Variants in PPM1D observed in about 807,000 individuals in gnomAD.
PPM1D encodes the protein protein phosphatase 1D.
A neutral mutation model predicts 58.3 loss-of-function variants in PPM1D; 52 were observed. That is an observed-to-expected ratio of 0.89 (90% CI 0.71 to 1.12). PPM1D has a LOEUF of 1.12. PPM1D is among the 50% of genes most tolerant of loss of function. The pLI is 0.00. For missense variants in PPM1D, 564 were observed against 777.2 expected (o/e 0.73, Z 3.26); for synonymous variants, 278 against 285.1 (o/e 0.98, Z 0.25).
At chr17:60,660,106 C>A (rs1411433166) in intron 5 of PPM1D, among the ~76,000 whole-genome samples, 1 of 152,176 alleles carries the variant, frequency 6.6e-6, no homozygotes, top group African/African-American at 2.4e-5. Flanking sequence ...GAGGCCGAGG[C>A]AGGCTGATCA....
chr17:60,646,686 TTG>T (rs2031256151), intron 3 of PPM1D, among the ~76,000 whole-genome samples: 1 of 152,232 alleles, frequency 6.6e-6, no homozygotes, highest in South Asian at 2.1e-4. Context: ...TTTAGTTTTA[TTG>T]ATCTTTTTTA....
At chr17:60,618,768 A>AT (rs1400865296) in intron 1 of PPM1D, among the ~76,000 whole-genome samples, 6 of 152,144 alleles carry the variant, frequency 3.9e-5, no homozygotes, top group Non-Finnish European at 8.8e-5. Flanking sequence ...TGAAGAATAG[A>AT]TTTTTTTAGT....
chr17:60,602,706 G>C (rs1462854760), intron 1 of PPM1D, among the ~76,000 whole-genome samples: 2 of 147,000 alleles, frequency 1.4e-5, no homozygotes, highest in Admixed American at 6.9e-5. Context: ...AAAGTTTAGA[G>C]CCTTATACTC....
chr17:60,649,376 G>A (rs1314479420), intron 4 of PPM1D, among the ~76,000 whole-genome samples: 2 of 152,194 alleles, frequency 1.3e-5, no homozygotes, highest in Non-Finnish European at 2.9e-5. Context: ...GGGGCAAATT[G>A]ATTGAATTTT....
chr17:60,638,614 C>T (rs951665793), intron 3 of PPM1D, among the ~76,000 whole-genome samples: 3 of 152,082 alleles, frequency 2.0e-5, no homozygotes, highest in Non-Finnish European at 2.9e-5. Context: ...GTTGATCCGC[C>T]CACCTCTGCT....
chr17:60,632,667 C>T (rs1051161716), intron 2 of PPM1D, among the ~76,000 whole-genome samples: 7 of 152,172 alleles, frequency 4.6e-5, no homozygotes, highest in African/African-American at 1.7e-4. Flanking sequence ...GCCCAGGCAA[C>T]ATAGTGAGAC....
At chr17:60,644,142 G>A (rs987259513) in intron 3 of PPM1D, among the ~76,000 whole-genome samples, 2 of 151,896 alleles carry the variant, frequency 1.3e-5, no homozygotes, top group Non-Finnish European at 2.9e-5. Flanking sequence ...GCCTCCCAAA[G>A]TGCTGGGATT....
intron 3 of PPM1D, among the ~76,000 whole-genome samples, chr17:60,645,750 A>G (rs1261991019): frequency 1.3e-5 from 2 of 150,402 alleles, no homozygotes; most frequent in African/African-American, 2.4e-5. Flanking sequence ...CCTTACAGGG[A>G]AAACTGGAAG....
intron 1 of PPM1D, among the ~76,000 whole-genome samples, chr17:60,602,425 A>AT (rs34669060): frequency 0.019 from 2,847 of 146,386 alleles, 59 homozygotes; most frequent in African/African-American, 0.052. Flanking sequence ...TTAGTATTAA[A>AT]TTTTTTTTTT....
chr17:60,627,411 A>G (rs2030831510), intron 2 of PPM1D, among the ~76,000 whole-genome samples: 1 of 150,790 alleles, frequency 6.6e-6, no homozygotes, highest in Admixed American at 6.6e-5. Flanking sequence ...CATGCCAGCT[A>G]ATTTTCTTTT....
intron 1 of PPM1D, among the ~76,000 whole-genome samples, chr17:60,617,128 ATTTTTTTTTTTTTTTTGTAGAGAC>A (rs2030600596): frequency 7.1e-6 from 1 of 140,196 alleles, no homozygotes; most frequent in Non-Finnish European, 1.6e-5. Context: ...AAAAAAAAAA[ATTTTTTTTTTTTTTTTGTAGAGAC>A]AGAATGTGGC....
intron 3 of PPM1D, among the ~76,000 whole-genome samples, chr17:60,640,435 AC>A (rs1437847654): frequency 1.3e-5 from 2 of 152,206 alleles, no homozygotes; most frequent in Non-Finnish European, 2.9e-5. Context: ...CACGTAACTT[AC>A]CGTTGTAAAG....
At chr17:60,655,640 C>A (rs748489657) in intron 4 of PPM1D, among the ~76,000 whole-genome samples, 1 of 151,840 alleles carries the variant, frequency 6.6e-6, no homozygotes, top group Non-Finnish European at 1.5e-5. Context: ...AGCCACCACA[C>A]CTGGCTACTT....
chr17:60,619,967 GT>G (rs370863167), intron 1 of PPM1D, among the ~76,000 whole-genome samples: 1 of 148,886 alleles, frequency 6.7e-6, no homozygotes, highest in Admixed American at 6.6e-5. Context: ...CATTTGCCCA[GT>G]TTTTTTTTGT....
chr17:60,663,119 A>G lies in PPM1D; in HGVS notation c.1385A>G (p.Gln462Arg), dbSNP rs1409622824. The change falls in exon 6 of 6, where the codon CAA (glutamine) becomes CGA (arginine). Residue 462 changes from glutamine (Q) to arginine (R), a missense_variant. Coordinates refer to ENST00000305921, the MANE Select transcript of PPM1D (RefSeq NM_003620.4). ...GCTGAGATAGCTCGAGAGAATGTCC[A>G]AGGTGTAGTCATACCCTCAAAAGAT... ...VSAEIARENV[Q>R]GVVIPSKDPE... 6 of 1,614,234 alleles carry G rather than the reference A, an allele frequency of 3.7e-6. No homozygotes were observed. Among genetic ancestry groups the G allele is most frequent in the Non-Finnish European group, 5.1e-6 (6 of 1,180,032 alleles).
At chr17:60,653,824 T>C (rs1052576093) in intron 4 of PPM1D, among the ~76,000 whole-genome samples, 4 of 152,224 alleles carry the variant, frequency 2.6e-5, no homozygotes, top group African/African-American at 9.6e-5. Context: ...TGATTTCTTT[T>C]TCAGATTGTT....
At chr17:60,618,170 G>A (rs186934803) in intron 1 of PPM1D, among the ~76,000 whole-genome samples, 1 of 152,264 alleles carries the variant, frequency 6.6e-6, no homozygotes, top group Non-Finnish European at 1.5e-5. Context: ...TAGAGACAGG[G>A]TCTTGCTGTA....
At position 60,647,875 on chromosome 17, in the gene PPM1D, C is replaced by G. The variant is rs2031276443; in HGVS notation, c.827-17C>G. The G allele has an allele frequency of 1.3e-6, 2 of 1,595,044 alleles. No individual in the cohort carries two copies. Among genetic ancestry groups the G allele is most frequent in the African/African-American group, 2.7e-5 (2 of 74,218 alleles). On this transcript the variant is annotated splice_polypyrimidine_tract_variant and intron_variant, in intron 3 of 5. Transcript: ENST00000305921. ...TTCCAACTAATACTTCTTGCTTTTTCTGCTCCCTTCCCCCAGGTGATTTGT... is the reference window on the plus strand; with the variant it reads ...TTCCAACTAATACTTCTTGCTTTTTGTGCTCCCTTCCCCCAGGTGATTTGT...
chr17:60,600,354 T>C lies in PPM1D; in HGVS notation c.-61T>C. 2.6e-6 allele frequency: 4 copies of C among 1,532,576 alleles called. No individual in the cohort carries two copies. Among genetic ancestry groups the C allele is most frequent in the Non-Finnish European group, 8.8e-7 (1 of 1,140,730 alleles). 94.9% of individuals were successfully genotyped at this position (1,532,576 alleles called of 1,614,324 possible). A position where few individuals can be genotyped will look rare whatever the true frequency, so the allele number is the denominator to read the frequency against. On this transcript the variant is annotated 5_prime_UTR_variant, in exon 1 of 6. Coordinates refer to ENST00000305921, the MANE Select transcript of PPM1D (RefSeq NM_003620.4). ...ATAGTTGGCCGGCGAGCGCCTAGTG[T>C]GTCTCCCGCCGCCGGATTCGGCGGG...
Sources: gnomAD v4.1 joint callset for allele counts (sites outside exome capture counted in the v4.1 genomes callset) on GRCh38, gnomAD v4.1.1 for gene constraint, MANE v1.5 for transcripts, NCBI Gene and HGNC (gene_info 2026-07-23, HGNC 2026-07-21) for gene names.